MAPK4: variants seen among roughly 807,000 people sequenced by gnomAD.
MAPK4 encodes the protein mitogen-activated protein kinase 4.
MAPK4 carries 22 observed loss-of-function variants against 47.7 expected under a neutral mutation model. That is an observed-to-expected ratio of 0.46 (90% CI 0.33 to 0.66). MAPK4 has a LOEUF of 0.66. Ranked by LOEUF, MAPK4 falls within the 30% of genes least tolerant of loss-of-function variation. The probability of loss-of-function intolerance (pLI) is 0.02; values close to 1 mark genes in which losing one functional copy is unlikely to be tolerated. For missense variants in MAPK4, 736 were observed against 831.7 expected (o/e 0.88, Z 1.42); for synonymous variants, 390 against 365.7 (o/e 1.07, Z -0.76).
intron 2 of MAPK4, among the ~76,000 whole-genome samples, chr18:50,675,277 T>C (rs1338969676): frequency 6.6e-6 from 1 of 151,732 alleles, no homozygotes; most frequent in Non-Finnish European, 1.5e-5. Context: ...GCTCACACTA[T>C]CCTGACTGCC....
intron 1 of MAPK4, among the ~76,000 whole-genome samples, chr18:50,587,821 C>T (rs762522056): frequency 4.6e-5 from 7 of 152,272 alleles, no homozygotes; most frequent in Middle Eastern, 3.4e-3. Context: ...TTCTGCCTCC[C>T]GAGTTCAAGT....
At chr18:50,602,302 C>T (rs1354507578) in intron 1 of MAPK4, among the ~76,000 whole-genome samples, 1 of 152,184 alleles carries the variant, frequency 6.6e-6, no homozygotes, top group Non-Finnish European at 1.5e-5. Flanking sequence ...CTCCTCACAA[C>T]AAGGTCTATT....
chr18:50,564,997 C>G (rs2042186557), intron 1 of MAPK4, among the ~76,000 whole-genome samples: 1 of 152,154 alleles, frequency 6.6e-6, no homozygotes, highest in Non-Finnish European at 1.5e-5. Flanking sequence ...GTGATGGGCT[C>G]TGAATTTAAG....
chr18:50,670,172 A>AC (rs1193433155), intron 2 of MAPK4: 1 of 152,096 alleles, frequency 6.6e-6, no homozygotes, highest in Non-Finnish European at 1.5e-5. Context: ...AAAAAAAAAA[A>AC]AAAACACTCA....
At chr18:50,728,821 G>A (rs1381136256) in intron 5 of MAPK4, among the ~76,000 whole-genome samples, 1 of 152,244 alleles carries the variant, frequency 6.6e-6, no homozygotes, top group African/African-American at 2.4e-5. Context: ...TGCACAGGTG[G>A]ATCCCCTAGA....
At chr18:50,652,624 T>C (rs1424862952) in intron 1 of MAPK4, among the ~76,000 whole-genome samples, 1 of 152,156 alleles carries the variant, frequency 6.6e-6, no homozygotes, top group Non-Finnish European at 1.5e-5. Context: ...GAGAATGCAT[T>C]TGCACTGCTC....
chr18:50,576,531 G>A (rs886229690), intron 1 of MAPK4, among the ~76,000 whole-genome samples: 3 of 152,088 alleles, frequency 2.0e-5, no homozygotes, highest in Admixed American at 2.0e-4. Context: ...TCACCTCTCA[G>A]GTTCTATGCT....
chr18:50,625,098 G>A (rs900733375), intron 1 of MAPK4, among the ~76,000 whole-genome samples: 3 of 152,206 alleles, frequency 2.0e-5, no homozygotes, highest in East Asian at 3.8e-4. Context: ...CTTGCTCCAG[G>A]ACACTGGTGG....
intron 4 of MAPK4, 77 bp from the exon 5 acceptor site, chr18:50,725,885 T>C: frequency 8.6e-7 from 1 of 1,163,118 alleles, no homozygotes; most frequent in Non-Finnish European, 1.3e-6. Flanking sequence ...GCACAGAATG[T>C]CACCGTGCTG....
chr18:50,720,638 G>A (rs1040922299), intron 3 of MAPK4, among the ~76,000 whole-genome samples: 2 of 152,262 alleles, frequency 1.3e-5, no homozygotes, highest in East Asian at 3.9e-4. Flanking sequence ...GTGTCACACA[G>A]GAGAGGGGTC....
intron 1 of MAPK4, among the ~76,000 whole-genome samples, chr18:50,657,542 C>T (rs574981109): frequency 6.6e-6 from 1 of 152,268 alleles, no homozygotes; most frequent in East Asian, 1.9e-4. Context: ...GCAGCCCTGG[C>T]CAACAGCTTG....
chr18:50,617,365 A>G (rs1487436579), intron 1 of MAPK4, among the ~76,000 whole-genome samples: 1 of 152,242 alleles, frequency 6.6e-6, no homozygotes, highest in Non-Finnish European at 1.5e-5. Flanking sequence ...TGCACATGGC[A>G]GGAAAATAAA....
intron 3 of MAPK4, among the ~76,000 whole-genome samples, chr18:50,718,021 T>G (rs540951056): frequency 3.9e-4 from 59 of 152,332 alleles, no homozygotes; most frequent in African/African-American, 1.3e-3. Context: ...AGGGAACTTA[T>G]GGTCTTGAGA....
chr18:50,675,928 T>C (rs535175272), intron 2 of MAPK4, among the ~76,000 whole-genome samples: 18 of 152,214 alleles, frequency 1.2e-4, no homozygotes, highest in Non-Finnish European at 2.6e-4. Flanking sequence ...TTTCTTAAAA[T>C]GTATCTTCCA....
intron 1 of MAPK4, among the ~76,000 whole-genome samples, chr18:50,609,112 G>A (rs2042608316): frequency 6.6e-6 from 1 of 152,102 alleles, no homozygotes; most frequent in Non-Finnish European, 1.5e-5. Context: ...AGTCTCCTAT[G>A]TCTACGTCTT....
chr18:50,727,336 A>C (rs1301233992), intron 5 of MAPK4, among the ~76,000 whole-genome samples: 1 of 152,214 alleles, frequency 6.6e-6, no homozygotes, highest in African/African-American at 2.4e-5. Flanking sequence ...AGCTAGTTAC[A>C]TAAGTGACAG....
chr18:50,675,403 G>A lies in MAPK4; in HGVS notation c.546+10899G>A, dbSNP rs1391594019. ...GCAGTCTCGGCTCACTGCAACCTCC[G>A]CCTCCCGGGTTCATGCGATTCTCCT... is the stretch of plus-strand genomic sequence containing the variant. On this transcript the variant is annotated intron_variant, in intron 2 of 5. Coordinates refer to ENST00000400384, the MANE Select transcript of MAPK4 (RefSeq NM_002747.4). 6.1e-5 allele frequency among the ~76,000 whole-genome samples: 9 copies of A among 148,184 alleles called. No homozygotes were observed. The East Asian group carries it at 1.6e-3, about 26-fold the overall frequency.
chr18:50,587,815 G>C (rs1347678244), intron 1 of MAPK4, among the ~76,000 whole-genome samples: 1 of 152,016 alleles, frequency 6.6e-6, no homozygotes, highest in Non-Finnish European at 1.5e-5. Flanking sequence ...TGCAACTTCT[G>C]CCTCCCGAGT....
intron 1 of MAPK4, among the ~76,000 whole-genome samples, chr18:50,648,465 T>C (rs2043012722): frequency 6.6e-6 from 1 of 152,024 alleles, no homozygotes; most frequent in Non-Finnish European, 1.5e-5. Flanking sequence ...TTTAACAGAA[T>C]GAAATGAATA....
Sources: allele counts gnomAD v4.1 joint callset (sites outside exome capture counted in the v4.1 genomes callset), GRCh38; gene constraint gnomAD v4.1.1; transcripts MANE v1.5; gene names NCBI Gene and HGNC (gene_info 2026-07-23, HGNC 2026-07-21).